The following SLC24A4 variants were observed in gnomAD, a reference collection of about 807,000 sequenced individuals.
SLC24A4 encodes the protein sodium/potassium/calcium exchanger 4.
In SLC24A4, 53 loss-of-function variants were observed where a neutral mutation model predicts 79.0. The ratio of observed to expected loss-of-function variants is 0.67; its 90% CI spans 0.54 to 0.84. The LOEUF (loss-of-function observed/expected upper bound fraction) is 0.84, where lower values mean the gene tolerates loss of function less well. SLC24A4 is among the 40% of genes least tolerant of loss of function. The probability of loss-of-function intolerance (pLI) is 0.00; values close to 1 mark genes in which losing one functional copy is unlikely to be tolerated. For synonymous variants in SLC24A4, 323 were observed against 323.8 expected, an observed-to-expected ratio of 1.00 and a Z score of 0.03; for missense variants, 731 against 822.0, an observed-to-expected ratio of 0.89 and a Z score of 1.35.
chr14:92,331,296 A>G (rs140551750), intron 2 of SLC24A4, among the ~76,000 whole-genome samples: 109 of 152,224 alleles, frequency 7.2e-4, no homozygotes, highest in African/African-American at 2.5e-3. Context: ...TTTATTTTTA[A>G]AAAATGAGAC....
rs372739311 is a variant in SLC24A4 at position 92,373,694 on chromosome 14, G to A, written c.241+47716G>A. ...GTGAACCCTGTGGGTTTCGACGACC[G>A]CACATCAGACTTTTCTAATGAGAAA... On this transcript the variant is annotated intron_variant, in intron 2 of 16. Transcript: ENST00000532405. Among the ~76,000 whole-genome samples the A allele has an allele frequency of 5.0e-4, 76 of 152,334 alleles. 1 individual carries two copies. The South Asian group carries it at 8.5e-3, about 17-fold the overall frequency.
chr14:92,460,944 C>T (rs1230690929), intron 12 of SLC24A4, among the ~76,000 whole-genome samples: 1 of 152,172 alleles, frequency 6.6e-6, no homozygotes, highest in Admixed American at 6.5e-5. Flanking sequence ...AAACTCTTCC[C>T]ACTTTAGACT....
intron 2 of SLC24A4, among the ~76,000 whole-genome samples, chr14:92,360,158 A>G (rs1010122196): frequency 1.3e-5 from 2 of 152,218 alleles, no homozygotes; most frequent in African/African-American, 2.4e-5. Context: ...TCTTGACCTC[A>G]TAATCTGCCC....
Position 92,497,432 on chromosome 14 carries a change from A to G in SLC24A4, c.*3804A>G, listed in dbSNP as rs1895967035. 1 of 152,322 alleles carries G rather than the reference A, an allele frequency of 6.6e-6. No individual in the cohort carries two copies. The highest frequency in any genetic ancestry group is 2.4e-5 in the African/African-American group (1 of 41,438). 9.4% of individuals were successfully genotyped at this position (152,322 alleles called of 1,614,324 possible). A position where few individuals can be genotyped will look rare whatever the true frequency, so the allele number is the denominator to read the frequency against. ...TTTTGGGAAGGGTGTGGGGGGTGTC[A>G]TTGCTGGATACCCGTCTTTCTGCCT... On this transcript the variant is annotated 3_prime_UTR_variant, in exon 17 of 17. Transcript: ENST00000532405.
At chr14:92,400,538 A>C (rs1398516867) in intron 2 of SLC24A4, among the ~76,000 whole-genome samples, 1 of 151,960 alleles carries the variant, frequency 6.6e-6, no homozygotes, top group Non-Finnish European at 1.5e-5. Context: ...TTGACTAAGA[A>C]GCTCTGGACA....
chr14:92,423,669 G>T (rs748813862), intron 2 of SLC24A4, among the ~76,000 whole-genome samples: 1 of 152,188 alleles, frequency 6.6e-6, no homozygotes, highest in Admixed American at 6.5e-5. Context: ...GTTTACTATA[G>T]CAAGGGAGTC....
chr14:92,368,478 C>T (rs141983664), intron 2 of SLC24A4, among the ~76,000 whole-genome samples: 2 of 152,204 alleles, frequency 1.3e-5, no homozygotes, highest in African/African-American at 4.8e-5. Context: ...GATTGGGGCC[C>T]TAGCTGTTAT....
At chr14:92,349,202 A>G (rs536291079) in intron 2 of SLC24A4, among the ~76,000 whole-genome samples, 4 of 151,200 alleles carry the variant, frequency 2.6e-5, no homozygotes, top group Non-Finnish European at 5.9e-5. Flanking sequence ...CTCTGTCGCC[A>G]AGGCTGGAGT....
At chr14:92,450,508 C>T (rs8015178) in intron 10 of SLC24A4, 59,202 of 152,350 alleles carry the variant, frequency 0.39, 11,831 homozygotes, top group South Asian at 0.46. Context: ...GAGTTTGATT[C>T]GTGTGTCGTG....
chr14:92,454,406 T>C (rs989078715), intron 11 of SLC24A4, among the ~76,000 whole-genome samples: 2 of 152,248 alleles, frequency 1.3e-5, no homozygotes, highest in African/African-American at 4.8e-5. Flanking sequence ...ACACCTGTTC[T>C]CTGTGGACAG....
At chr14:92,449,330 A>C in intron 10 of SLC24A4, 114 bp downstream of exon 10, 36 of 1,300,532 alleles carry the variant, frequency 2.8e-5, no homozygotes, top group Non-Finnish European at 3.2e-5. Flanking sequence ...ACACCCTCTC[A>C]CAATGTCCCC....
intron 2 of SLC24A4, among the ~76,000 whole-genome samples, chr14:92,387,968 T>C (rs916421565): frequency 2.6e-5 from 4 of 152,250 alleles, no homozygotes; most frequent in Admixed American, 6.5e-5. Flanking sequence ...TCACACTGTT[T>C]CCACCTTTTG....
intron 12 of SLC24A4, among the ~76,000 whole-genome samples, chr14:92,482,341 C>T (rs1478160612): frequency 6.6e-6 from 1 of 152,202 alleles, no homozygotes; most frequent in Non-Finnish European, 1.5e-5. Context: ...TGACTTCCAG[C>T]CCAGGGCTGT....
chr14:92,497,954 T>C lies in SLC24A4; in HGVS notation c.*4326T>C, dbSNP rs1291254794. On this transcript the variant is annotated 3_prime_UTR_variant, in exon 17 of 17. Coordinates refer to ENST00000532405, the MANE Select transcript of SLC24A4 (RefSeq NM_153646.4). The stretch of plus-strand genomic sequence containing the variant: ...TGCCATGCTCTAAATATTCATGGTC[T>C]CTCTAATGCCCTCAAGACGTGATTT... 2.6e-5 allele frequency: 4 copies of C among 152,208 alleles called. No homozygotes were observed. Among genetic ancestry groups the C allele is most frequent in the Admixed American group, 2.6e-4 (4 of 15,286 alleles). 9.4% of individuals were successfully genotyped at this position (152,208 alleles called of 1,614,324 possible).
chr14:92,372,925 CT>C (rs1566721985), intron 2 of SLC24A4, among the ~76,000 whole-genome samples: 6 of 96,762 alleles, frequency 6.2e-5, no homozygotes, highest in East Asian at 3.3e-4. Context: ...TCCTTTCTTT[CT>C]CTTTCTTTCT....
At chr14:92,367,440 T>C (rs5024253) in intron 2 of SLC24A4, among the ~76,000 whole-genome samples, 118,369 of 152,022 alleles carry the variant, frequency 0.78, 49,177 homozygotes, top group East Asian at 0.95. Flanking sequence ...AGCTCACATA[T>C]GTTATCCCAC....
chr14:92,385,967 T>C (rs1889134171), intron 2 of SLC24A4, among the ~76,000 whole-genome samples: 1 of 151,782 alleles, frequency 6.6e-6, no homozygotes, highest in South Asian at 2.1e-4. Context: ...GGAGGAAGAG[T>C]TTCCGGATGG....
At chr14:92,421,016 A>T (rs12147409) in intron 2 of SLC24A4, among the ~76,000 whole-genome samples, 1 of 151,706 alleles carries the variant, frequency 6.6e-6, no homozygotes, top group Non-Finnish European at 1.5e-5. Context: ...TCTGGAGATG[A>T]GCTCACCTTC....
chr14:92,328,190 C>T (rs971268442), intron 2 of SLC24A4, among the ~76,000 whole-genome samples: 2 of 152,228 alleles, frequency 1.3e-5, no homozygotes, highest in South Asian at 4.1e-4. Context: ...CAGCATCTTC[C>T]TCCCTGGCCT....
Sources: gnomAD v4.1 joint callset for allele counts (sites outside exome capture counted in the v4.1 genomes callset) on GRCh38, gnomAD v4.1.1 for gene constraint, MANE v1.5 for transcripts, NCBI Gene and HGNC (gene_info 2026-07-23, HGNC 2026-07-21) for gene names.